Variants in RNGTT observed in about 807,000 individuals in gnomAD.
RNGTT encodes the protein mRNA-capping enzyme.
A neutral mutation model predicts 79.3 loss-of-function variants in RNGTT; 33 were observed. The observed-to-expected ratio is 0.42, with a 90% CI of 0.32 to 0.56. The LOEUF is 0.56. Ranked by LOEUF, RNGTT falls within the 20% of genes least tolerant of loss-of-function variation. The pLI is 0.17. For missense variants in RNGTT, 497 were observed against 739.1 expected (o/e 0.67, Z 3.80); for synonymous variants, 222 against 235.9 (o/e 0.94, Z 0.54).
chr6:88,774,578 C>T (rs1778808980), intron 12 of RNGTT, among the ~76,000 whole-genome samples: 1 of 152,152 alleles, frequency 6.6e-6, no homozygotes, highest in Non-Finnish European at 1.5e-5. Context: ...ATACAAGTCT[C>T]CATCAACAGG....
intron 4 of RNGTT, among the ~76,000 whole-genome samples, chr6:88,912,205 C>T (rs1783849068): frequency 6.6e-6 from 1 of 151,868 alleles, no homozygotes. Flanking sequence ...GAGTTCAAGA[C>T]CAGCCTGGGC....
intron 14 of RNGTT, among the ~76,000 whole-genome samples, chr6:88,632,934 G>A (rs545824969): frequency 2.0e-5 from 3 of 152,014 alleles, no homozygotes; most frequent in South Asian, 2.1e-4. Context: ...GTCTCTTTTC[G>A]AACAATGACT....
intron 12 of RNGTT, among the ~76,000 whole-genome samples, chr6:88,795,470 GT>G (rs1779566245): frequency 6.6e-6 from 1 of 152,076 alleles, no homozygotes; most frequent in African/African-American, 2.4e-5. Flanking sequence ...TCACTTATAA[GT>G]GGGAGCTGAA....
chr6:88,936,623 T>C (rs748638659), intron 2 of RNGTT, among the ~76,000 whole-genome samples: 45 of 152,352 alleles, frequency 3.0e-4, no homozygotes, highest in African/African-American at 4.8e-4. Flanking sequence ...TCTGACTCTA[T>C]TGAGATGATC....
intron 11 of RNGTT, among the ~76,000 whole-genome samples, chr6:88,817,490 T>TAAAAAAAAAAAAAAAAAA (rs11354100): frequency 4.5e-5 from 2 of 44,552 alleles, no homozygotes; most frequent in African/African-American, 1.9e-4. Context: ...AAAAAATAAG[T>TAAAAAAAAAAAAAAAAAA]AAAAAAAAAA....
intron 13 of RNGTT, among the ~76,000 whole-genome samples, chr6:88,734,500 C>G (rs1221989699): frequency 6.6e-6 from 1 of 151,970 alleles, no homozygotes; most frequent in Non-Finnish European, 1.5e-5. Flanking sequence ...CTGTTAAGGA[C>G]CTAAACATAT....
chr6:88,691,776 A>C (rs1033205314), intron 13 of RNGTT, among the ~76,000 whole-genome samples: 3 of 152,208 alleles, frequency 2.0e-5, no homozygotes, highest in Admixed American at 6.5e-5. Flanking sequence ...AATACATAAT[A>C]CAAAAAGCAC....
chr6:88,789,874 C>T (rs1582463334), intron 12 of RNGTT, among the ~76,000 whole-genome samples: 2 of 152,214 alleles, frequency 1.3e-5, no homozygotes, highest in East Asian at 3.9e-4. Flanking sequence ...CACCCTTTCA[C>T]TCAACTATCC....
chr6:88,699,066 A>T (rs373371286), intron 13 of RNGTT, among the ~76,000 whole-genome samples: 3 of 152,210 alleles, frequency 2.0e-5, no homozygotes, highest in African/African-American at 7.2e-5. Flanking sequence ...GGTGAAATTA[A>T]TTAGATTATT....
At chr6:88,904,295 A>C (rs2127942263) in intron 6 of RNGTT, among the ~76,000 whole-genome samples, 1 of 152,326 alleles carries the variant, frequency 6.6e-6, no homozygotes, top group Non-Finnish European at 1.5e-5. Flanking sequence ...TTTAAAGGCC[A>C]AGCACAGTGG....
intron 5 of RNGTT, among the ~76,000 whole-genome samples, chr6:88,906,114 T>G (rs1783645659): frequency 6.6e-6 from 1 of 151,886 alleles, no homozygotes; most frequent in African/African-American, 2.4e-5. Context: ...ACCACTACAC[T>G]CCAGCCTGGA....
intron 1 of RNGTT, among the ~76,000 whole-genome samples, chr6:88,950,826 T>C (rs1237438151): frequency 6.6e-6 from 1 of 151,336 alleles, no homozygotes; most frequent in South Asian, 2.1e-4. Context: ...AGTGAGATAC[T>C]GTCTCAAAAA....
In RNGTT at chr6:88,929,284, ATG is replaced by A; in HGVS notation, c.175-19_175-18del. 3 of 1,393,416 alleles carry A rather than the reference ATG, an allele frequency of 2.2e-6. No individual in the cohort carries two copies. Among genetic ancestry groups the A allele is most frequent in the Admixed American group, 2.0e-5 (1 of 50,868 alleles). The allele number at this position is 1,393,416 out of a possible 1,614,324, so 86.3% of individuals were successfully genotyped here. ...CATTTTAACCTAAAAAAAAAAAAAAATGAAAGGGCAAATTTACTAGTAACTTA... is the reference window on the plus strand; with the variant it reads ...CATTTTAACCTAAAAAAAAAAAAAAAAAAGGGCAAATTTACTAGTAACTTA... On this transcript the variant is annotated intron_variant, in intron 2 of 15. Coordinates refer to ENST00000369485, the MANE Select transcript of RNGTT (RefSeq NM_003800.5).
At chr6:88,828,306 T>C (rs920813842) in intron 11 of RNGTT, among the ~76,000 whole-genome samples, 5 of 152,208 alleles carry the variant, frequency 3.3e-5, no homozygotes, top group African/African-American at 9.6e-5. Context: ...GGGGCCTGAC[T>C]GTTAGAAGGA....
chr6:88,660,295 C>T (rs1774131614), intron 14 of RNGTT, among the ~76,000 whole-genome samples: 1 of 152,072 alleles, frequency 6.6e-6, no homozygotes, highest in Admixed American at 6.5e-5. Flanking sequence ...AGAACAGTAC[C>T]TCACATCTCA....
chr6:88,931,587 G>A (rs896420428), intron 2 of RNGTT, among the ~76,000 whole-genome samples: 1 of 152,074 alleles, frequency 6.6e-6, no homozygotes, highest in Admixed American at 6.6e-5. Context: ...CACACCTTGG[G>A]CAGTTAAATT....
At chr6:88,791,208 G>A (rs1582464711) in intron 12 of RNGTT, among the ~76,000 whole-genome samples, 1 of 144,070 alleles carries the variant, frequency 6.9e-6, no homozygotes, top group Non-Finnish European at 1.5e-5. Context: ...GCAGTGCCAC[G>A]ATCACAGTTC....
At chr6:88,707,970 A>C (rs9451055) in intron 13 of RNGTT, among the ~76,000 whole-genome samples, 4,097 of 151,936 alleles carry the variant, frequency 0.027, 181 homozygotes, top group African/African-American at 0.094. Flanking sequence ...ATCAAGATCT[A>C]AGTAGACAAG....
chr6:88,935,214 CT>C (rs1784629378), intron 2 of RNGTT, among the ~76,000 whole-genome samples: 1 of 152,098 alleles, frequency 6.6e-6, no homozygotes, highest in Non-Finnish European at 1.5e-5. Context: ...TTCTTGGTGC[CT>C]TTGTCTAAAT....
Sources: allele counts gnomAD v4.1 joint callset (sites outside exome capture counted in the v4.1 genomes callset), GRCh38; gene constraint gnomAD v4.1.1; transcripts MANE v1.5; gene names NCBI Gene and HGNC (gene_info 2026-07-23, HGNC 2026-07-21).